The following MOK variants were observed in gnomAD, a reference collection of about 807,000 sequenced individuals.
MOK encodes the protein MAPK/MAK/MRK overlapping kinase.
Under a neutral mutation model 54.2 loss-of-function variants are expected in MOK, and 59 were observed. The ratio of observed to expected loss-of-function variants is 1.09; its 90% CI spans 0.88 to 1.35. The LOEUF is 1.35. MOK is among the 40% of genes most tolerant of loss of function. The pLI, the probability that MOK is intolerant of heterozygous loss-of-function variation, is 0.00. For missense variants in MOK, 517 were observed against 526.2 expected, an observed-to-expected ratio of 0.98 and a Z score of 0.17; for synonymous variants, 210 against 202.7, an observed-to-expected ratio of 1.04 and a Z score of -0.31.
chr14:102,231,745 T>C lies in MOK; in HGVS notation c.943A>G (p.Ser315Gly). 1 of 1,612,222 alleles carries C rather than the reference T, an allele frequency of 6.2e-7. No homozygotes were observed. Among genetic ancestry groups the C allele is most frequent in the Non-Finnish European group, 8.5e-7 (1 of 1,179,534 alleles). Residue 315 changes from serine to glycine, a missense_variant, in exon 10 of 12, where the codon AGT becomes GGT. Coordinates refer to ENST00000361847, the MANE Select transcript of MOK (RefSeq NM_014226.3). This position sits in a 1 kb window ranked among gnomAD's most constrained non-coding sequence, Gnocchi z 4.4. ...TCCTTGGAAATCTGGCAGCTGTTAC[T>C]GAGTGGTTCCGGTGCCACAGGGTGC... is the stretch of plus-strand genomic sequence containing the variant. The part of the protein sequence containing the change: ...PEHPVAPEPL[S>G]NSCQISKEGR...
At position 102,231,841 on chromosome 14, in the gene MOK, A is replaced by G. The variant is rs955284522; in HGVS notation, c.867-20T>C. 1 of 1,603,868 alleles carries G rather than the reference A, an allele frequency of 6.2e-7. No individual in the cohort carries two copies. The highest frequency in any genetic ancestry group is 2.2e-5 in the East Asian group (1 of 44,732). ...GTTTTCCTACGGGGAAGGAGAAGAG[A>G]ATGGAGCAGCTCCACTGAGAGCCCG... On this transcript the variant is annotated intron_variant, in intron 9 of 11. Transcript: ENST00000361847. This position sits in a 1 kb window ranked among gnomAD's most constrained non-coding sequence, Gnocchi z 4.4.
In MOK at chr14:102,235,271, A is replaced by G. The variant is rs1442273014; in HGVS notation, c.591-1482T>C. ...TGTCCACGTCCCATTTTCCCTCTCTAATGTTTCCCAAATTGAGAAACGTCC... is the reference window on the plus strand; with the variant it reads ...TGTCCACGTCCCATTTTCCCTCTCTGATGTTTCCCAAATTGAGAAACGTCC... On this transcript the variant is annotated intron_variant, in intron 7 of 11. Coordinates refer to ENST00000361847, the MANE Select transcript of MOK (RefSeq NM_014226.3). The surrounding 1 kb of genome is among the most constrained non-coding windows in gnomAD (Gnocchi z 4.4). The G allele has an allele frequency of 6.6e-6, 1 of 152,200 alleles. No individual in the cohort carries two copies. The highest frequency in any genetic ancestry group is 2.4e-5 in the African/African-American group (1 of 41,428). The allele number at this position is 152,200 out of a possible 1,614,324, so 9.4% of individuals were successfully genotyped here.
intron 1 of MOK, among the ~76,000 whole-genome samples, chr14:102,293,754 C>T (rs1183967322): frequency 7.5e-6 from 1 of 133,580 alleles, no homozygotes; most frequent in Non-Finnish European, 1.6e-5. Context: ...AAGAAAAAGA[C>T]TGAATATAAA....
chr14:102,263,417 G>T, intron 4 of MOK, 129 bp downstream of exon 4: 1 of 558,450 alleles, frequency 1.8e-6, no homozygotes, highest in South Asian at 4.0e-5. Flanking sequence ...TGAATGAAGT[G>T]ACCCTGTACT....
At chr14:102,217,197 A>T in the MOK span, among the ~76,000 whole-genome samples, 1 of 152,170 alleles carries the variant, frequency 6.6e-6, no homozygotes, top group African/African-American at 2.4e-5. Context: ...AGTAGAGAGG[A>T]TTGCAGGGCC....
intron 1 of MOK, among the ~76,000 whole-genome samples, chr14:102,293,086 T>G (rs929641967): frequency 6.6e-6 from 1 of 151,998 alleles, no homozygotes; most frequent in Non-Finnish European, 1.5e-5. Context: ...TGAGCGGAGA[T>G]TGTGCCACTG....
chr14:102,220,929 C>T (rs1368203458), downstream of MOK, among the ~76,000 whole-genome samples: 1 of 151,980 alleles, frequency 6.6e-6, no homozygotes, highest in Non-Finnish European at 1.5e-5. The surrounding 1 kb of genome is among the most constrained non-coding windows in gnomAD (Gnocchi z 4.2). Flanking sequence ...CGCCACCACA[C>T]CCGGCTAATT....
Position 102,229,642 on chromosome 14 carries a change from G to A in MOK, c.997C>T (p.Gln333Ter), listed in dbSNP as rs1422305127. The A allele has an allele frequency of 3.7e-6, 6 of 1,611,016 alleles. No individual in the cohort carries two copies. The highest frequency in any genetic ancestry group is 1.3e-5 in the African/African-American group (1 of 74,792). ...EGRKQKQSLK[Q>*]EEDRPKRRGP... The stretch of plus-strand genomic sequence containing the variant: ...CGTCTCTTGGGACGGTCCTCCTCTT[G>A]CTTTAGGGACTGTTTCTTGAAACAG... The change falls in exon 11 of 12, where the codon CAA (glutamine) becomes TAA (stop). Residue 333 changes from glutamine (Q) to a stop codon, truncating the protein, a stop_gained. Transcript: ENST00000361847. LOFTEE classifies it high-confidence loss of function.
At chr14:102,301,031 G>T (rs1196920590) in intron 1 of MOK, among the ~76,000 whole-genome samples, 1 of 152,144 alleles carries the variant, frequency 6.6e-6, no homozygotes, top group Non-Finnish European at 1.5e-5. Flanking sequence ...GGAGGCAGAG[G>T]TTGCAGTGAG....
chr14:102,304,823 C>A lies in MOK; in HGVS notation c.7+139G>T, dbSNP rs959261565. On this transcript the variant is annotated intron_variant, in intron 1 of 11. Transcript: ENST00000361847. Reference sequence around the variant, plus strand: ...GGGGATTCGGGGCCCACATGCGGAGCCTCCCGGGCCTGTCGAGCCACGGCA... The same window carrying A: ...GGGGATTCGGGGCCCACATGCGGAGACTCCCGGGCCTGTCGAGCCACGGCA... The A allele has an allele frequency of 5.5e-6, 5 of 905,246 alleles. No individual in the cohort carries two copies. In the African/African-American group the frequency reaches 8.4e-5, roughly 15 times the overall value. The allele number at this position is 905,246 out of a possible 1,614,324, so 56.1% of individuals were successfully genotyped here. A position where few individuals can be genotyped will look rare whatever the true frequency, so the allele number is the denominator to read the frequency against.
Position 102,232,556 on chromosome 14 carries a change from T to A in MOK, c.845A>T (p.His282Leu), listed in dbSNP as rs970806529. The change falls in exon 9 of 12, where the codon CAC becomes CTC. Residue 282 changes from histidine to leucine, a missense_variant. Transcript: ENST00000361847. The surrounding 1 kb of genome is among the most constrained non-coding windows in gnomAD (Gnocchi z 5.1). ...CTACCTCTGTTCTTGGAAGTAGGGG[T>A]GCTGCAGGGCCTGGTGGGCGGCGAT... is the stretch of plus-strand genomic sequence containing the variant. ...ERIAAHQALQHPYFQEQRKTE... is the reference protein window; with the variant it reads ...ERIAAHQALQLPYFQEQRKTE... 1 of 1,613,284 alleles carries A rather than the reference T, an allele frequency of 6.2e-7. No individual in the cohort carries two copies. Among genetic ancestry groups the A allele is most frequent in the African/African-American group, 1.3e-5 (1 of 74,798 alleles).
In MOK at chr14:102,238,915, AG is replaced by A. The variant is rs2065455610; in HGVS notation, c.591-5127del. On this transcript the variant is annotated intron_variant, in intron 7 of 11. Coordinates refer to ENST00000361847, the MANE Select transcript of MOK (RefSeq NM_014226.3). The surrounding 1 kb of genome is among the most constrained non-coding windows in gnomAD (Gnocchi z 4.8). ...CACACCAGCTAAGAGGAACACTCCCAGGGGAAGACTGGCAAATAGACTTCAC... is the reference window on the plus strand; with the variant it reads ...CACACCAGCTAAGAGGAACACTCCCAGGGAAGACTGGCAAATAGACTTCAC... Among the ~76,000 whole-genome samples the A allele has an allele frequency of 1.3e-5, 2 of 152,176 alleles. No homozygotes were observed. The highest frequency in any genetic ancestry group is 4.8e-5 in the African/African-American group (2 of 41,442).
At chr14:102,215,374 C>T in the MOK span, among the ~76,000 whole-genome samples, 2 of 152,166 alleles carry the variant, frequency 1.3e-5, no homozygotes, top group South Asian at 2.1e-4. Context: ...CTCACTATCC[C>T]GGATGCTGGA....
downstream of MOK, among the ~76,000 whole-genome samples, chr14:102,220,719 C>A (rs1314918532): frequency 2.0e-4 from 22 of 111,660 alleles, no homozygotes; most frequent in Admixed American, 3.7e-4. The surrounding 1 kb of genome is among the most constrained non-coding windows in gnomAD (Gnocchi z 4.2). Context: ...GACTCCGTCT[C>A]AAAAAAAAAA....
chr14:102,275,918 C>A (rs1241486631), intron 2 of MOK, among the ~76,000 whole-genome samples: 3 of 152,138 alleles, frequency 2.0e-5, no homozygotes, highest in Non-Finnish European at 2.9e-5. Flanking sequence ...ATTATTTTTT[C>A]TTTTTTTCTC....
At chr14:102,278,465 G>A (rs1235734955) in intron 2 of MOK, 3 of 250,244 alleles carry the variant, frequency 1.2e-5, no homozygotes, top group Non-Finnish European at 2.5e-5. Flanking sequence ...CAGACTTTTT[G>A]TTTTTGTAAA....
rs1202120101 is a variant in MOK at position 102,245,577 on chromosome 14, T to G, written c.590+5235A>C. ...CCTTGTGACCCCCTCCGCCTGCCCC[T>G]GCCCACCGGAGAACAACCCCCTTTG... On this transcript the variant is annotated intron_variant, in intron 7 of 11. Coordinates refer to ENST00000361847, the MANE Select transcript of MOK (RefSeq NM_014226.3). The surrounding 1 kb of genome is among the most constrained non-coding windows in gnomAD (Gnocchi z 4.3). Among the ~76,000 whole-genome samples, 2 of 152,022 alleles carry G rather than the reference T, an allele frequency of 1.3e-5. No individual in the cohort carries two copies. The highest frequency in any genetic ancestry group is 2.9e-5 in the Non-Finnish European group (2 of 68,016).
At chr14:102,278,251 G>A (rs773919168) in intron 2 of MOK, among the ~76,000 whole-genome samples, 3 of 152,070 alleles carry the variant, frequency 2.0e-5, no homozygotes, top group Non-Finnish European at 4.4e-5. Flanking sequence ...AGCAGCCCAA[G>A]TAGAGGAAGG....
intron 2 of MOK, among the ~76,000 whole-genome samples, chr14:102,273,301 T>G (rs1423652549): frequency 6.9e-6 from 1 of 145,914 alleles, no homozygotes; most frequent in East Asian, 2.1e-4. Context: ...AAAAAATAAG[T>G]GAATCCTGAG....
Sources: gnomAD v4.1 joint callset for allele counts (sites outside exome capture counted in the v4.1 genomes callset) on GRCh38, gnomAD v4.1.1 for gene constraint, Gnocchi (gnomAD v3.1) non-coding constraint, MANE v1.5 for transcripts, NCBI Gene and HGNC (gene_info 2026-07-23, HGNC 2026-07-21) for gene names.